The following CD5 variants were observed in gnomAD, a reference collection of about 807,000 sequenced individuals.
CD5 encodes T-cell surface glycoprotein CD5.
In CD5, 36 loss-of-function variants were observed where a neutral mutation model predicts 60.3. The observed-to-expected ratio is 0.60, with a 90% CI of 0.46 to 0.79. CD5 has a LOEUF of 0.79. CD5 is among the 30% of genes least tolerant of loss of function. CD5 has a pLI of 0.00. For missense variants in CD5, 540 were observed against 630.6 expected (o/e 0.86, Z 1.54); for synonymous variants, 230 against 257.6 (o/e 0.89, Z 1.03).
chr11:61,113,357 AGCCCCGCAATGG>A (rs1860886140), intron 1 of CD5, among the ~76,000 whole-genome samples: 1 of 152,324 alleles, frequency 6.6e-6, no homozygotes, highest in African/African-American at 2.4e-5. Flanking sequence ...CTCTGCTGAG[AGCCCCGCAATGG>A]GCAACTTTGC....
rs1264298213 is a variant in CD5, at chr11:61,119,382, C to G, written c.612C>G (p.Leu204=). The G allele has an allele frequency of 6.2e-7, 1 of 1,614,206 alleles. No homozygotes were observed. Among genetic ancestry groups the G allele is most frequent in the Admixed American group, 1.7e-5 (1 of 60,028 alleles). Residue 204 remains leucine (L), a synonymous_variant, in exon 5 of 11, where the codon CTC becomes CTG. Coordinates refer to ENST00000347785, the MANE Select transcript of CD5 (RefSeq NM_014207.4). ...TGGAGAACTTCCTCTGCAACAACCT[C>G]CAGTGTGGCTCCTTCTTGAAGCATC... ...QDLENFLCNN[L]QCGSFLKHLP...
chr11:61,110,086 G>A (rs374587722), intron 1 of CD5, among the ~76,000 whole-genome samples: 5 of 152,152 alleles, frequency 3.3e-5, no homozygotes, highest in Non-Finnish European at 5.9e-5. Context: ...AACACAGACC[G>A]CAGGGCTCAG....
At chr11:61,115,264 G>A (rs1468813819) in intron 2 of CD5, among the ~76,000 whole-genome samples, 170 bp downstream of exon 2, 1 of 152,156 alleles carries the variant, frequency 6.6e-6, no homozygotes, top group Non-Finnish European at 1.5e-5. Context: ...TGCAGACACT[G>A]CACATTAAGA....
intron 1 of CD5, among the ~76,000 whole-genome samples, chr11:61,108,641 C>G (rs1430937297): frequency 2.0e-5 from 3 of 152,174 alleles, no homozygotes; most frequent in Non-Finnish European, 2.9e-5. Flanking sequence ...AAGGAAAATC[C>G]AGAATCCTAC....
At chr11:61,097,442 T>C in the CD5 span, among the ~76,000 whole-genome samples, 2 of 152,198 alleles carry the variant, frequency 1.3e-5, no homozygotes, top group Non-Finnish European at 2.9e-5. Flanking sequence ...AAACAGTCAC[T>C]TGGTGGAGTT....
chr11:61,124,608 T>C (rs1476928159), intron 8 of CD5, among the ~76,000 whole-genome samples: 5 of 152,012 alleles, frequency 3.3e-5, no homozygotes, highest in Non-Finnish European at 5.9e-5. Flanking sequence ...TCTTCCCCCT[T>C]CCCAAGTCCA....
chr11:61,105,119 G>A (rs1270970143), intron 1 of CD5, among the ~76,000 whole-genome samples: 2 of 152,252 alleles, frequency 1.3e-5, no homozygotes, highest in Non-Finnish European at 2.9e-5. Flanking sequence ...GGGGCTTGGG[G>A]ACCTTTGGAT....
rs112099581 is a variant in CD5 at position 61,114,303 on chromosome 11, A to T, written c.56-753A>T. 1.1e-3 allele frequency among the ~76,000 whole-genome samples: 169 copies of T among 152,124 alleles called. 1 individual carries two copies. The highest frequency in any genetic ancestry group is 3.9e-3 in the East Asian group (20 of 5,170). ...CTCTATTCTACTCCATTTCATTTTT[A>T]AAAAAATTGATGGCCTGAGTGCTGT... On this transcript the variant is annotated intron_variant, in intron 1 of 10. Coordinates refer to ENST00000347785, the MANE Select transcript of CD5 (RefSeq NM_014207.4).
intron 6 of CD5, 33 bp from the exon 7 acceptor site, chr11:61,122,874 C>G: frequency 6.3e-7 from 1 of 1,590,984 alleles, no homozygotes; most frequent in Non-Finnish European, 8.6e-7. Context: ...CCCCCCAGGA[C>G]TGGGACTGAC....
At position 61,121,754 on chromosome 11, in the gene CD5, C is replaced by T. The variant is rs147649434; in HGVS notation, c.949C>T (p.Arg317Trp). The change falls in exon 6 of 11, where the codon CGG (arginine) becomes TGG (tryptophan). Residue 317 changes from arginine (R) to tryptophan (W), a missense_variant. Arg to Trp is a moderately radical substitution (Grantham distance 101, BLOSUM62 -3). Transcript: ENST00000347785. ...RSSLRWEEVC[R>W]EQQCGSVNSY... is the part of the protein sequence containing the mutation. ...CTCGCTGCGGTGGGAGGAGGTGTGC[C>T]GGGAGCAGCAGTGTGGCAGCGTCAA... 136 of 1,611,654 alleles carry T rather than the reference C, an allele frequency of 8.4e-5. No homozygotes were observed. The highest frequency in any genetic ancestry group is 1.1e-4 in the Non-Finnish European group (127 of 1,178,506).
At chr11:61,120,104 G>A (rs1216755866) in intron 5 of CD5, among the ~76,000 whole-genome samples, 9 of 152,130 alleles carry the variant, frequency 5.9e-5, no homozygotes, top group Admixed American at 5.9e-4. Context: ...AGGGTCCTGC[G>A]CCGTGTGCTG....
chr11:61,113,887 CT>C (rs1336774932), intron 1 of CD5, among the ~76,000 whole-genome samples: 3 of 152,190 alleles, frequency 2.0e-5, no homozygotes, highest in African/African-American at 7.2e-5. Context: ...CTAGGCCAGT[CT>C]CAAACTCCTG....
chr11:61,110,901 T>C (rs1028359040), intron 1 of CD5, among the ~76,000 whole-genome samples: 16 of 152,092 alleles, frequency 1.1e-4, no homozygotes, highest in Non-Finnish European at 1.9e-4. Flanking sequence ...GTGATGGTGA[T>C]GATGATGGTG....
Position 61,125,169 on chromosome 11 carries a change from C to A in CD5, c.1399+18C>A. Reference sequence around the variant, plus strand: ...TTATCCAGGTAAGCACCAGCGGGTGCTCCCAGGCACGCAGGCAGGGCTGCA... The same window carrying A: ...TTATCCAGGTAAGCACCAGCGGGTGATCCCAGGCACGCAGGCAGGGCTGCA... On this transcript the variant is annotated intron_variant, in intron 9 of 10. Transcript: ENST00000347785. The A allele has an allele frequency of 6.2e-7, 1 of 1,613,658 alleles. No homozygotes were observed. The highest frequency in any genetic ancestry group is 1.1e-5 in the South Asian group (1 of 91,056).
chr11:61,125,876 G>A, intron 10 of CD5, 35 bp downstream of exon 10: 2 of 1,510,024 alleles, frequency 1.3e-6, no homozygotes, highest in Non-Finnish European at 9.1e-7. Flanking sequence ...CAGCACCCCA[G>A]GGTCCCCCAC....
intron 7 of CD5, 136 bp from the exon 8 acceptor site, chr11:61,123,748 G>A: frequency 1.4e-6 from 1 of 701,730 alleles, no homozygotes; most frequent in Non-Finnish European, 2.5e-6. Flanking sequence ...CCAGGGGGCA[G>A]AGCCCAGCAG....
chr11:61,120,879 G>C (rs1861048635), intron 5 of CD5, among the ~76,000 whole-genome samples: 1 of 152,182 alleles, frequency 6.6e-6, no homozygotes, highest in South Asian at 2.1e-4. Context: ...CCATACCCAG[G>C]GTTCTTGCCT....
chr11:61,098,662 G>A (rs1246092560), upstream of CD5, among the ~76,000 whole-genome samples: 2 of 152,080 alleles, frequency 1.3e-5, no homozygotes, highest in Admixed American at 6.5e-5. Flanking sequence ...TTGCTCAATC[G>A]ATCATGACCC....
At chr11:61,098,883 T>C (rs1337385485), upstream of CD5, among the ~76,000 whole-genome samples, 1 of 152,174 alleles carries the variant, frequency 6.6e-6, no homozygotes, top group African/African-American at 2.4e-5. Flanking sequence ...TGAGCCAGCC[T>C]CTCCAGCCCA....
Sources: gnomAD v4.1 joint callset for allele counts (sites outside exome capture counted in the v4.1 genomes callset) on GRCh38, gnomAD v4.1.1 for gene constraint, MANE v1.5 for transcripts, NCBI Gene and HGNC (gene_info 2026-07-23, HGNC 2026-07-21) for gene names.